SLC26A7: variants seen among roughly 807,000 people sequenced by gnomAD.
SLC26A7 encodes anion exchange transporter.
Under a neutral mutation model 82.5 loss-of-function variants are expected in SLC26A7, and 59 were observed. That is an observed-to-expected ratio of 0.72 (90% CI 0.58 to 0.89). SLC26A7 has a LOEUF of 0.89. Ranked by LOEUF, SLC26A7 falls within the 40% of genes least tolerant of loss-of-function variation. The pLI is 0.00. For synonymous variants in SLC26A7, 271 were observed against 274.3 expected (o/e 0.99, Z 0.12); for missense variants, 820 against 793.0 (o/e 1.03, Z -0.41).
chr8:91,245,902 A>G (rs915296355), upstream of SLC26A7, among the ~76,000 whole-genome samples: 5 of 151,984 alleles, frequency 3.3e-5, no homozygotes, highest in African/African-American at 9.7e-5. Context: ...TGAAGCCCCA[A>G]CCCATGAGGG....
Position 91,316,222 on chromosome 8 carries a change from C to T in SLC26A7, c.478-1994C>T, listed in dbSNP as rs147132233. On this transcript the variant is annotated intron_variant, in intron 4 of 18. Transcript: ENST00000276609. Reference sequence around the variant, plus strand: ...TGTGCCCTCTTGATAAAGGAGATCTCGTTGTTATCCTTCCCTCCGATTTCT... The same window carrying T: ...TGTGCCCTCTTGATAAAGGAGATCTTGTTGTTATCCTTCCCTCCGATTTCT... Among the ~76,000 whole-genome samples, 109 of 152,192 alleles carry T rather than the reference C, an allele frequency of 7.2e-4. 3 individuals carry two copies. The East Asian group carries it at 0.019, about 27-fold the overall frequency.
intron 6 of SLC26A7, among the ~76,000 whole-genome samples, chr8:91,337,279 A>G (rs1813269727): frequency 6.6e-6 from 1 of 152,168 alleles, no homozygotes; most frequent in African/African-American, 2.4e-5. Flanking sequence ...TTATTTTGCT[A>G]GTTTGAATTT....
At chr8:91,349,190 A>G (rs558489680) in intron 9 of SLC26A7, among the ~76,000 whole-genome samples, 3 of 152,308 alleles carry the variant, frequency 2.0e-5, no homozygotes, top group African/African-American at 7.2e-5. Flanking sequence ...TTATCTTTTG[A>G]CCAAGGGCAT....
intron 5 of SLC26A7, among the ~76,000 whole-genome samples, chr8:91,329,214 T>C (rs1237994104): frequency 6.6e-6 from 1 of 150,944 alleles, no homozygotes; most frequent in Non-Finnish European, 1.5e-5. Context: ...TGGAACTCTA[T>C]TAAATAAGCA....
Position 91,375,091 on chromosome 8 carries a change from G to T in SLC26A7, c.1675+5258G>T, listed in dbSNP as rs564434706. ...TTTTATGTTTTTCATTTGTGAGATAGATCTTTCTCCACCCCCTTACTTTGA... is the reference window on the plus strand; with the variant it reads ...TTTTATGTTTTTCATTTGTGAGATATATCTTTCTCCACCCCCTTACTTTGA... On this transcript the variant is annotated intron_variant, in intron 15 of 18. Transcript: ENST00000276609. Among the ~76,000 whole-genome samples, 8 of 151,760 alleles carry T rather than the reference G, an allele frequency of 5.3e-5. No individual in the cohort carries two copies. In the South Asian group the frequency reaches 1.7e-3, roughly 32 times the overall value.
intron 2 of SLC26A7, among the ~76,000 whole-genome samples, chr8:91,252,452 C>T (rs1463347009): frequency 6.6e-6 from 1 of 151,956 alleles, no homozygotes; most frequent in Non-Finnish European, 1.5e-5. Context: ...TCTGTGTTGA[C>T]TACAGTCTTT....
chr8:91,264,921 T>C (rs909015206), intron 2 of SLC26A7, among the ~76,000 whole-genome samples: 2 of 152,048 alleles, frequency 1.3e-5, no homozygotes, highest in Non-Finnish European at 2.9e-5. Context: ...CTTTTCTAGC[T>C]GTCTTGAAAT....
At chr8:91,267,053 A>G (rs1811132633) in intron 2 of SLC26A7, among the ~76,000 whole-genome samples, 1 of 151,878 alleles carries the variant, frequency 6.6e-6, no homozygotes, top group South Asian at 2.1e-4. Flanking sequence ...TGGTTGGTGT[A>G]TTCTCAACCT....
At chr8:91,245,222 G>T (rs900998170), upstream of SLC26A7, among the ~76,000 whole-genome samples, 22 of 152,236 alleles carry the variant, frequency 1.4e-4, no homozygotes, top group African/African-American at 5.3e-4. Context: ...TTGGGATTGG[G>T]CTCTTAAGTA....
chr8:91,210,079 A>G (rs1394607418), intron 1 of SLC26A7, among the ~76,000 whole-genome samples: 1 of 152,212 alleles, frequency 6.6e-6, no homozygotes, highest in African/African-American at 2.4e-5. Flanking sequence ...GACAGAACCA[A>G]CAACGACTTT....
chr8:91,247,881 GA>G (rs1311058807), upstream of SLC26A7, among the ~76,000 whole-genome samples: 5 of 151,624 alleles, frequency 3.3e-5, no homozygotes, highest in Non-Finnish European at 5.9e-5. Context: ...GATAGGATTT[GA>G]AAAAAAATCT....
intron 6 of SLC26A7, among the ~76,000 whole-genome samples, chr8:91,337,728 T>C (rs1367640162): frequency 1.3e-5 from 2 of 152,186 alleles, no homozygotes; most frequent in Non-Finnish European, 2.9e-5. Context: ...ATCGATGCAA[T>C]ATCTCAAACT....
chr8:91,316,122 A>G (rs1812623361), intron 4 of SLC26A7, among the ~76,000 whole-genome samples: 1 of 152,190 alleles, frequency 6.6e-6, no homozygotes, highest in Non-Finnish European at 1.5e-5. Flanking sequence ...TATGATCAGA[A>G]TAAAGAAATA....
chr8:91,355,169 AT>A (rs1347289747), intron 11 of SLC26A7, among the ~76,000 whole-genome samples: 2 of 152,014 alleles, frequency 1.3e-5, no homozygotes, highest in Non-Finnish European at 2.9e-5. Flanking sequence ...TTTTGTTGTT[AT>A]TTTAAGTAAG....
intron 7 of SLC26A7, among the ~76,000 whole-genome samples, chr8:91,339,627 G>GATTTATTT (rs60112814): frequency 0.026 from 3,812 of 147,026 alleles, 105 homozygotes; most frequent in African/African-American, 0.063. Context: ...CTGCCTGAGG[G>GATTTATTT]ATTTATTTAT....
At chr8:91,250,795 TTG>T (rs1028373821) in intron 2 of SLC26A7, among the ~76,000 whole-genome samples, 18 of 152,128 alleles carry the variant, frequency 1.2e-4, no homozygotes, top group African/African-American at 4.3e-4. Flanking sequence ...GTTTGTGTAT[TTG>T]TGTTTTTGGT....
At chr8:91,340,591 C>A in intron 8 of SLC26A7, 40 bp downstream of exon 8, 2 of 1,610,700 alleles carry the variant, frequency 1.2e-6, no homozygotes, top group South Asian at 2.2e-5. Context: ...CCAGTTGTAT[C>A]ATTGCACTGT....
chr8:91,378,942 T>C (rs1206965765), intron 15 of SLC26A7, among the ~76,000 whole-genome samples: 3 of 152,076 alleles, frequency 2.0e-5, no homozygotes, highest in African/African-American at 7.2e-5. Flanking sequence ...TAATACACTA[T>C]ATTTGAATTA....
chr8:91,331,962 T>G (rs1024664446), intron 5 of SLC26A7, among the ~76,000 whole-genome samples: 71 of 152,024 alleles, frequency 4.7e-4, no homozygotes, highest in African/African-American at 1.7e-3. Context: ...GTTATCTGTT[T>G]ATGTCCTCTG....
Sources: allele counts gnomAD v4.1 joint callset (sites outside exome capture counted in the v4.1 genomes callset), GRCh38; gene constraint gnomAD v4.1.1; transcripts MANE v1.5; gene names NCBI Gene and HGNC (gene_info 2026-07-23, HGNC 2026-07-21).